Variants in RANBP2 observed in about 807,000 individuals in gnomAD.
The protein encoded by RANBP2 is E3 SUMO-protein ligase RanBP2.
RANBP2 carries 57 observed loss-of-function variants against 303.6 expected under a neutral mutation model. That is an observed-to-expected ratio of 0.19 (90% confidence interval 0.15 to 0.23). The LOEUF (loss-of-function observed/expected upper bound fraction) is 0.23. RANBP2 is among the 10% of genes least tolerant of loss of function. RANBP2 has a pLI of 1.00. For synonymous variants in RANBP2, 1,167 were observed against 1,301.5 expected (o/e 0.90, Z 2.23); for missense variants, 3,138 against 3,780.8 (o/e 0.83, Z 4.46).
chr2:109,548,775 C>CAAAAAAA, the RANBP2 span, among the ~76,000 whole-genome samples: 15 of 63,592 alleles, frequency 2.4e-4, no homozygotes, highest in Non-Finnish European at 3.6e-4. Context: ...GGCTCCATCT[C>CAAAAAAA]AAAAAAAAAA....
At position 108,763,652 on chromosome 2, in the gene RANBP2, A is replaced by G. The variant is rs1450960740; in HGVS notation, c.3113A>G (p.Lys1038Arg). The G allele has an allele frequency of 1.2e-6, 2 of 1,614,046 alleles. No individual in the cohort carries two copies. Among genetic ancestry groups the G allele is most frequent in the Non-Finnish European group, 1.7e-6 (2 of 1,180,034 alleles). ...PTPFKFNSNFKSNDGDFTFSS... is the reference protein window; with the variant it reads ...PTPFKFNSNFRSNDGDFTFSS... ...CCTTTTAAATTTAACTCAAATTTCA[A>G]ATCAAATGATGGTGACTTCACGTTT... Residue 1038 changes from lysine to arginine, a missense_variant, in exon 20 of 29, where the codon AAA becomes AGA. Lys to Arg is a conservative substitution (Grantham distance 26, BLOSUM62 2). This residue lies in a region of RANBP2 where 403 missense variants were observed against 376.7 expected (regional missense o/e 1.07). Transcript: ENST00000283195.
intron 1 of RANBP2, among the ~76,000 whole-genome samples, chr2:108,721,776 C>G (rs1694272543): frequency 1.3e-5 from 2 of 152,142 alleles, no homozygotes; most frequent in African/African-American, 4.8e-5. Flanking sequence ...AGGTCTCTTT[C>G]TGTCTCCCAG....
chr2:109,442,292 C>T, the RANBP2 span, among the ~76,000 whole-genome samples: 12 of 141,348 alleles, frequency 8.5e-5, no homozygotes, highest in East Asian at 2.0e-4. Context: ...GCCTGGGCAA[C>T]GGAGTGAGAC....
the RANBP2 span, among the ~76,000 whole-genome samples, chr2:108,796,204 G>A: frequency 1.3e-5 from 2 of 151,644 alleles, no homozygotes; most frequent in African/African-American, 2.4e-5. Flanking sequence ...ACCTGCCACC[G>A]CGCCCGGCTA....
the RANBP2 span, among the ~76,000 whole-genome samples, chr2:109,470,297 C>T: frequency 6.6e-6 from 1 of 152,162 alleles, no homozygotes; most frequent in African/African-American, 2.4e-5. Flanking sequence ...GCTCTAGCCA[C>T]ATGTGAAATC....
At chr2:108,839,666 A>G in the RANBP2 span, among the ~76,000 whole-genome samples, 2 of 152,062 alleles carry the variant, frequency 1.3e-5, no homozygotes, top group African/African-American at 2.4e-5. Context: ...TTTACTGTTG[A>G]TGTTTACATG....
At chr2:108,972,837 T>A in the RANBP2 span, among the ~76,000 whole-genome samples, 1 of 152,224 alleles carries the variant, frequency 6.6e-6, no homozygotes, top group Non-Finnish European at 1.5e-5. Flanking sequence ...TCCCCAACCT[T>A]GGCTAGCTGG....
chr2:109,120,442 A>G, the RANBP2 span, among the ~76,000 whole-genome samples: 3 of 152,124 alleles, frequency 2.0e-5, no homozygotes, highest in Admixed American at 6.5e-5. Flanking sequence ...TAAGGTAGAG[A>G]CGGACTTCCA....
the RANBP2 span, among the ~76,000 whole-genome samples, chr2:109,596,223 TA>T: frequency 6.6e-6 from 1 of 152,156 alleles, no homozygotes; most frequent in East Asian, 1.9e-4. Context: ...AAATTACTGG[TA>T]AAAAAGTGGT....
the RANBP2 span, among the ~76,000 whole-genome samples, chr2:109,662,348 G>T: frequency 6.6e-6 from 1 of 151,902 alleles, no homozygotes; most frequent in Admixed American, 6.6e-5. Flanking sequence ...GTGCAGTGGC[G>T]CGATCTTGGC....
chr2:109,102,714 G>C, the RANBP2 span, among the ~76,000 whole-genome samples: 1 of 152,136 alleles, frequency 6.6e-6, no homozygotes, highest in African/African-American at 2.4e-5. Flanking sequence ...GAGGAAGGGA[G>C]AGGAAGGAGA....
chr2:108,751,753 C>T (rs966008671), intron 11 of RANBP2, 50 bp downstream of exon 11: 70 of 1,611,604 alleles, frequency 4.3e-5, no homozygotes, highest in Middle Eastern at 2.3e-4. Context: ...TAGGTTTTAC[C>T]GGGGATTTAA....
the RANBP2 span, among the ~76,000 whole-genome samples, chr2:109,358,114 T>C: frequency 2.6e-5 from 4 of 152,248 alleles, no homozygotes; most frequent in Non-Finnish European, 5.9e-5. Context: ...GTTTTTCCTT[T>C]CCCAGAACGT....
chr2:109,181,314 A>C, the RANBP2 span, among the ~76,000 whole-genome samples: 9 of 152,222 alleles, frequency 5.9e-5, no homozygotes, highest in African/African-American at 2.2e-4. Context: ...CATTTGTCAA[A>C]ACTAAGCAAT....
At chr2:108,806,837 G>A in the RANBP2 span, among the ~76,000 whole-genome samples, 9 of 152,170 alleles carry the variant, frequency 5.9e-5, no homozygotes, top group African/African-American at 1.9e-4. Flanking sequence ...ATTAAGTCTA[G>A]CCAAGCTGAG....
the RANBP2 span, among the ~76,000 whole-genome samples, chr2:108,825,714 G>A: frequency 6.6e-6 from 1 of 152,006 alleles, no homozygotes; most frequent in South Asian, 2.1e-4. Context: ...TAGACTTTTG[G>A]GTTGTTTGCA....
At chr2:108,867,043 T>C in the RANBP2 span, among the ~76,000 whole-genome samples, 1 of 152,134 alleles carries the variant, frequency 6.6e-6, no homozygotes, top group Non-Finnish European at 1.5e-5. Context: ...AAAGGGGAAT[T>C]ATAAAATATT....
chr2:109,408,370 C>T, the RANBP2 span, among the ~76,000 whole-genome samples: 2 of 152,196 alleles, frequency 1.3e-5, no homozygotes, highest in Non-Finnish European at 2.9e-5. Context: ...GAGCTAAGAA[C>T]CTTCTCCACC....
At chr2:108,965,903 A>T in the RANBP2 span, among the ~76,000 whole-genome samples, 1 of 151,868 alleles carries the variant, frequency 6.6e-6, no homozygotes, top group African/African-American at 2.4e-5. Context: ...GCAAAGAAAT[A>T]TTTCCTGAAA....
Sources: allele counts gnomAD v4.1 joint callset (sites outside exome capture counted in the v4.1 genomes callset), GRCh38; gene constraint gnomAD v4.1.1; regional missense constraint gnomAD v4.1.1; transcripts MANE v1.5; gene names NCBI Gene and HGNC (gene_info 2026-07-23, HGNC 2026-07-21).